Variants in WASF1 observed in about 807,000 individuals in gnomAD.
The protein encoded by WASF1 is actin-binding protein WASF1.
A neutral mutation model predicts 50.5 loss-of-function variants in WASF1; 7 were observed. The ratio of observed to expected loss-of-function variants is 0.14; its 90% CI spans 0.08 to 0.26. WASF1 has a LOEUF of 0.26. WASF1 is among the 10% of genes least tolerant of loss of function. The pLI, the probability that WASF1 is intolerant of heterozygous loss-of-function variation, is 1.00. For synonymous variants in WASF1, 205 were observed against 244.0 expected, an observed-to-expected ratio of 0.84 and a Z score of 1.49; for missense variants, 470 against 694.7, an observed-to-expected ratio of 0.68 and a Z score of 3.64.
At chr6:110,151,498 G>A (rs1257193674) in intron 3 of WASF1, among the ~76,000 whole-genome samples, 2 of 152,154 alleles carry the variant, frequency 1.3e-5, no homozygotes, top group African/African-American at 4.8e-5. Flanking sequence ...CCCACATTCT[G>A]TAATATAAGA....
At chr6:110,133,246 A>G (rs1350552105) in intron 3 of WASF1, among the ~76,000 whole-genome samples, 1 of 152,182 alleles carries the variant, frequency 6.6e-6, no homozygotes, top group Non-Finnish European at 1.5e-5. Context: ...TTGTGCTGCT[A>G]TATACATGCT....
intron 2 of WASF1, among the ~76,000 whole-genome samples, chr6:110,168,995 A>C (rs545463867): frequency 5.9e-5 from 9 of 152,208 alleles, no homozygotes; most frequent in African/African-American, 2.2e-4. Flanking sequence ...ACAAGGCCTT[A>C]TCCCCTGTCC....
chr6:110,144,364 C>T (rs1775429812), intron 3 of WASF1, among the ~76,000 whole-genome samples: 1 of 152,008 alleles, frequency 6.6e-6, no homozygotes, highest in Non-Finnish European at 1.5e-5. Context: ...TGGATATTAG[C>T]CCTTTGTCAG....
At chr6:110,118,521 C>T (rs1773920454) in intron 4 of WASF1, among the ~76,000 whole-genome samples, 1 of 152,022 alleles carries the variant, frequency 6.6e-6, no homozygotes, top group Admixed American at 6.6e-5. Flanking sequence ...GCACCCAATA[C>T]AGGAACACCC....
chr6:110,172,750 A>G (rs114827784), intron 2 of WASF1, among the ~76,000 whole-genome samples: 70 of 152,262 alleles, frequency 4.6e-4, no homozygotes, highest in Middle Eastern at 3.4e-3. Flanking sequence ...ATGGACATAA[A>G]GAGTGGAATA....
intron 3 of WASF1, among the ~76,000 whole-genome samples, chr6:110,137,326 C>A (rs1775013188): frequency 6.6e-6 from 1 of 152,184 alleles, no homozygotes; most frequent in South Asian, 2.1e-4. Flanking sequence ...AATAGAGGAT[C>A]AAGCCTTATT....
chr6:110,160,160 A>G (rs755511225), intron 3 of WASF1, among the ~76,000 whole-genome samples: 1 of 152,060 alleles, frequency 6.6e-6, no homozygotes, highest in Admixed American at 6.6e-5. Context: ...AAAAAACAGT[A>G]TAGTAAGAAA....
intron 3 of WASF1, among the ~76,000 whole-genome samples, chr6:110,132,301 C>T (rs149208411): frequency 1.9e-3 from 294 of 151,744 alleles, no homozygotes; most frequent in African/African-American, 6.8e-3. Context: ...CGATTTCCTC[C>T]ATTCTAATCC....
At chr6:110,121,181 C>G (rs953039483) in intron 4 of WASF1, among the ~76,000 whole-genome samples, 3 of 152,164 alleles carry the variant, frequency 2.0e-5, no homozygotes, top group Non-Finnish European at 4.4e-5. Flanking sequence ...CCAAAATAGA[C>G]ACATGGGATC....
chr6:110,102,288 C>G, intron 9 of WASF1, 72 bp from the exon 10 acceptor site: 2 of 1,312,174 alleles, frequency 1.5e-6, no homozygotes, highest in Non-Finnish European at 2.0e-6. Context: ...ACCACACAAA[C>G]TATAAATGAC....
intron 3 of WASF1, among the ~76,000 whole-genome samples, chr6:110,137,380 T>C (rs1423617067): frequency 6.6e-6 from 1 of 152,232 alleles, no homozygotes; most frequent in Non-Finnish European, 1.5e-5. Context: ...TCCTTTTCTA[T>C]TCTAACTGCT....
chr6:110,168,648 A>G (rs1230904699), intron 2 of WASF1, among the ~76,000 whole-genome samples: 1 of 152,052 alleles, frequency 6.6e-6, no homozygotes, highest in African/African-American at 2.4e-5. Flanking sequence ...CAAGGCTTTT[A>G]AAACTGGACC....
Position 110,124,217 on chromosome 6 carries a change from C to CTCTCTCTCT in WASF1, c.133+3251_133+3252insAGAGAGAGA, listed in dbSNP as rs1258259081. Among the ~76,000 whole-genome samples, 2 of 66,160 alleles carry CTCTCTCTCT rather than the reference C, an allele frequency of 3.0e-5. 1 individual carries two copies. Among genetic ancestry groups the CTCTCTCTCT allele is most frequent in the African/African-American group, 1.9e-4 (2 of 10,398 alleles). 43.4% of individuals were successfully genotyped at this position (66,160 alleles called of 152,430 possible). On this transcript the variant is annotated intron_variant, in intron 4 of 10. Transcript: ENST00000392589. ...TCTCTCTCTCTCTCTCTCTCTCTCTCCTCTCTCTCCTCTCTCTCCTCTCTC... is the reference window on the plus strand; with the variant it reads ...TCTCTCTCTCTCTCTCTCTCTCTCTCTCTCTCTCTCTCTCTCTCCTCTCTCTCCTCTCTC...
intron 2 of WASF1, among the ~76,000 whole-genome samples, chr6:110,170,308 C>T (rs1345877935): frequency 6.6e-6 from 1 of 152,022 alleles, no homozygotes; most frequent in Non-Finnish European, 1.5e-5. Context: ...CTGCAAACTC[C>T]GCCTCCCAGG....
At chr6:110,146,660 G>C (rs1021745501) in intron 3 of WASF1, among the ~76,000 whole-genome samples, 6 of 151,962 alleles carry the variant, frequency 3.9e-5, no homozygotes, top group African/African-American at 1.2e-4. Context: ...ATCAGAAACA[G>C]AATTTTATAA....
At chr6:110,104,650 G>C (rs548815242) in intron 8 of WASF1, among the ~76,000 whole-genome samples, 1 of 152,122 alleles carries the variant, frequency 6.6e-6, no homozygotes, top group East Asian at 1.9e-4. Flanking sequence ...TTAGCTGGGC[G>C]TGGTGGCGTG....
chr6:110,158,428 C>T (rs1776117533), intron 3 of WASF1, among the ~76,000 whole-genome samples: 1 of 136,832 alleles, frequency 7.3e-6, no homozygotes, highest in Non-Finnish European at 1.5e-5. Context: ...TTTATTGTGT[C>T]TATTTGATTC....
intron 2 of WASF1, among the ~76,000 whole-genome samples, chr6:110,163,829 C>T (rs79244872): frequency 0.019 from 2,939 of 151,500 alleles, 93 homozygotes; most frequent in African/African-American, 0.068. Flanking sequence ...TATAAAGTTA[C>T]GGTAATCAAG....
At chr6:110,174,002 G>A (rs370087319) in intron 2 of WASF1, among the ~76,000 whole-genome samples, 3 of 152,058 alleles carry the variant, frequency 2.0e-5, no homozygotes, top group Non-Finnish European at 2.9e-5. Context: ...TAATTAACCC[G>A]ATTAAAACTC....
Sources: allele counts gnomAD v4.1 joint callset (sites outside exome capture counted in the v4.1 genomes callset), GRCh38; gene constraint gnomAD v4.1.1; transcripts MANE v1.5; gene names NCBI Gene and HGNC (gene_info 2026-07-23, HGNC 2026-07-21).